ROBO2: variants seen among roughly 807,000 people sequenced by gnomAD.
ROBO2 encodes roundabout guidance receptor 2.
A neutral mutation model predicts 160.8 loss-of-function variants in ROBO2; 53 were observed. The observed-to-expected ratio is 0.33, with a 90% CI of 0.26 to 0.41. The LOEUF (loss-of-function observed/expected upper bound fraction) is 0.41. ROBO2 is among the 10% of genes least tolerant of loss of function. ROBO2 has a pLI of 1.00. For synonymous variants in ROBO2, 664 were observed against 611.7 expected (o/e 1.09, Z -1.26); for missense variants, 1,577 against 1,722.4 (o/e 0.92, Z 1.49).
chr3:76,194,437 A>G (rs1702166046), intron 2 of ROBO2, among the ~76,000 whole-genome samples: 1 of 145,356 alleles, frequency 6.9e-6, no homozygotes, highest in South Asian at 2.2e-4. Context: ...TTTGGATTAT[A>G]TTTTATGAGT....
intron 2 of ROBO2, among the ~76,000 whole-genome samples, chr3:76,908,494 A>G (rs925128339): frequency 2.0e-5 from 3 of 152,240 alleles, no homozygotes; most frequent in Admixed American, 1.3e-4. Flanking sequence ...CTTTCAGAGT[A>G]GAAAGATTCT....
chr3:77,292,722 A>C (rs912409385), intron 2 of ROBO2, among the ~76,000 whole-genome samples: 3 of 98,356 alleles, frequency 3.1e-5, no homozygotes, highest in African/African-American at 8.1e-5. Context: ...ATAAAGTAAA[A>C]TTGATGGTTA....
At chr3:76,955,618 T>C (rs1041068845) in intron 2 of ROBO2, among the ~76,000 whole-genome samples, 41 of 152,202 alleles carry the variant, frequency 2.7e-4, no homozygotes, top group Non-Finnish European at 1.5e-4. Flanking sequence ...TAACCATCTT[T>C]TTATATTCTT....
chr3:76,117,014 C>T (rs2070500590), intron 2 of ROBO2, among the ~76,000 whole-genome samples: 1 of 152,174 alleles, frequency 6.6e-6, no homozygotes, highest in Non-Finnish European at 1.5e-5. Flanking sequence ...TAACGAATCA[C>T]TTTAAAATGT....
intron 5 of ROBO2, among the ~76,000 whole-genome samples, chr3:77,518,669 T>A (rs1460955417): frequency 6.6e-6 from 1 of 151,500 alleles, no homozygotes; most frequent in East Asian, 1.9e-4. Context: ...CCCCAAATTT[T>A]GGTGCAATGC....
At chr3:77,208,142 G>A (rs1217435255) in intron 2 of ROBO2, among the ~76,000 whole-genome samples, 1 of 152,136 alleles carries the variant, frequency 6.6e-6, no homozygotes, top group Admixed American at 6.5e-5. Context: ...TGCCTAGTGT[G>A]AGCAGATTGA....
intron 2 of ROBO2, among the ~76,000 whole-genome samples, chr3:76,274,373 A>G (rs1446343509): frequency 6.6e-6 from 1 of 152,090 alleles, no homozygotes; most frequent in Non-Finnish European, 1.5e-5. Context: ...AATTTTCAGC[A>G]TGATATCTTA....
chr3:76,330,157 C>T (rs2073372004), intron 2 of ROBO2, among the ~76,000 whole-genome samples: 1 of 152,122 alleles, frequency 6.6e-6, no homozygotes, highest in South Asian at 2.1e-4. Flanking sequence ...TTTCTATATA[C>T]TCAAGCACCT....
chr3:77,236,491 G>T (rs1437717911), intron 2 of ROBO2, among the ~76,000 whole-genome samples: 1 of 152,226 alleles, frequency 6.6e-6, no homozygotes, highest in Non-Finnish European at 1.5e-5. Context: ...GTTTTTCAGG[G>T]TAACGTTGGA....
rs758486669 is a variant in ROBO2 at position 77,564,993 on chromosome 3, T to C, written c.1722T>C (p.His574=). 2.5e-5 allele frequency: 40 copies of C among 1,613,614 alleles called. No homozygotes were observed. The highest frequency in any genetic ancestry group is 1.7e-4 in the Middle Eastern group (1 of 6,060). Reference sequence around the variant, plus strand: ...ACAGCTGGCAGACCGTGGCAAACCATGTAAAGACCACCCTCTATACTGTAA... The same window carrying C: ...ACAGCTGGCAGACCGTGGCAAACCACGTAAAGACCACCCTCTATACTGTAA... Residue 574 remains histidine (H), a synonymous_variant, in exon 12 of 26, where the codon CAT becomes CAC. Coordinates refer to ENST00000461745, the Ensembl canonical transcript of ROBO2.
At chr3:75,910,130 T>C (rs1249669775) in intron 1 of ROBO2, among the ~76,000 whole-genome samples, 1 of 152,102 alleles carries the variant, frequency 6.6e-6, no homozygotes, top group East Asian at 1.9e-4. Context: ...GTGATCAGAG[T>C]CATTAATGCC....
chr3:76,317,153 T>C (rs2072103092), intron 2 of ROBO2, among the ~76,000 whole-genome samples: 1 of 152,258 alleles, frequency 6.6e-6, no homozygotes, highest in Non-Finnish European at 1.5e-5. Flanking sequence ...TGTCTTTGAT[T>C]AATCTTTGTT....
intron 2 of ROBO2, among the ~76,000 whole-genome samples, chr3:75,976,792 G>GT (rs1225952471): frequency 1.6e-4 from 24 of 151,436 alleles, no homozygotes; most frequent in African/African-American, 5.6e-4. Context: ...AAGACTCGGA[G>GT]GAAATAAAAG....
At chr3:77,089,157 A>G (rs1388755389) in intron 1 of ROBO2, among the ~76,000 whole-genome samples, 1 of 152,210 alleles carries the variant, frequency 6.6e-6, no homozygotes, top group Non-Finnish European at 1.5e-5. Context: ...GGGATTTTCT[A>G]ATAATATTTT....
chr3:76,386,130 C>A (rs1414877896), intron 2 of ROBO2, among the ~76,000 whole-genome samples: 1 of 151,908 alleles, frequency 6.6e-6, no homozygotes, highest in East Asian at 1.9e-4. Flanking sequence ...AATATAAATT[C>A]ATTTGATATA....
At chr3:75,910,993 T>C (rs1310752086) in intron 1 of ROBO2, among the ~76,000 whole-genome samples, 1 of 151,942 alleles carries the variant, frequency 6.6e-6, no homozygotes, top group Non-Finnish European at 1.5e-5. Context: ...AATACAAATA[T>C]ACACTTATAA....
chr3:76,063,937 A>G (rs868519553), intron 2 of ROBO2, among the ~76,000 whole-genome samples: 5 of 152,158 alleles, frequency 3.3e-5, no homozygotes, highest in African/African-American at 1.2e-4. Context: ...CTCTAGCTTT[A>G]GAGAAGTAAG....
chr3:76,836,122 T>C (rs921762231), intron 2 of ROBO2, among the ~76,000 whole-genome samples: 12 of 152,088 alleles, frequency 7.9e-5, no homozygotes, highest in Admixed American at 1.3e-4. Flanking sequence ...TCATTCAGAA[T>C]ATTTTTTATG....
chr3:76,073,288 T>C (rs2068527906), intron 2 of ROBO2, among the ~76,000 whole-genome samples: 5 of 98,536 alleles, frequency 5.1e-5, no homozygotes, highest in East Asian at 3.1e-4. Flanking sequence ...TTTTTTTTTT[T>C]TTTTTTTTTT....
Sources: allele counts gnomAD v4.1 joint callset (sites outside exome capture counted in the v4.1 genomes callset), GRCh38; gene constraint gnomAD v4.1.1; transcripts MANE v1.5; gene names NCBI Gene and HGNC (gene_info 2026-07-23, HGNC 2026-07-21).